Variants in NBPF3 observed in about 807,000 individuals in gnomAD.
NBPF3 encodes NBPF member 3.
Under a neutral mutation model 78.1 loss-of-function variants are expected in NBPF3, and 57 were observed. The observed-to-expected ratio is 0.73, with a 90% confidence interval of 0.59 to 0.91. The LOEUF is 0.91. NBPF3 is among the 40% of genes least tolerant of loss of function. The pLI is 0.00. For synonymous variants in NBPF3, 182 were observed against 271.7 expected (o/e 0.67, Z 3.25); for missense variants, 510 against 715.3 (o/e 0.71, Z 3.27).
In NBPF3 at chr1:21,481,603, C is replaced by T. The variant is rs1375307477; in HGVS notation, c.1440C>T (p.Ser480=). ...ACTTTTTCTACTTTTCCAGGCTCAGCAGAGAGCTGCCGGAGGTAGTAGAGC... is the reference window on the plus strand; with the variant it reads ...ACTTTTTCTACTTTTCCAGGCTCAGTAGAGAGCTGCCGGAGGTAGTAGAGC... ...EDQGPPCPRL[S]RELPEVVEPE... The change falls in exon 13 of 15, where the codon AGC becomes AGT. Residue 480 remains serine (S), a synonymous_variant. Transcript: ENST00000318249. The T allele has an allele frequency of 1.2e-6, 2 of 1,611,810 alleles. No individual in the cohort carries two copies. Among genetic ancestry groups the T allele is most frequent in the African/African-American group, 2.7e-5 (2 of 74,414 alleles).
intron 8 of NBPF3, among the ~76,000 whole-genome samples, chr1:21,475,936 C>T (rs1642866727): frequency 6.9e-6 from 1 of 144,002 alleles, no homozygotes; most frequent in African/African-American, 2.6e-5. Context: ...TCAGGACTTG[C>T]TTTATGAATC....
At chr1:21,440,910 T>G (rs1640606032) in intron 1 of NBPF3, 1 of 152,244 alleles carries the variant, frequency 6.6e-6, no homozygotes, top group African/African-American at 2.4e-5. Flanking sequence ...AACCGCAGGA[T>G]TTCGGCTAGG....
chr1:21,449,323 A>T (rs1044618300), intron 2 of NBPF3, among the ~76,000 whole-genome samples: 1 of 152,058 alleles, frequency 6.6e-6, no homozygotes, highest in African/African-American at 2.4e-5. Flanking sequence ...AAATTGGTTC[A>T]TCTGTGCTGG....
chr1:21,464,922 G>A (rs375336550), intron 2 of NBPF3, among the ~76,000 whole-genome samples: 1 of 150,328 alleles, frequency 6.7e-6, no homozygotes. Flanking sequence ...CAGGAGGATC[G>A]CTTGAGCCCA....
chr1:21,443,640 G>A (rs1337983636), intron 1 of NBPF3, among the ~76,000 whole-genome samples: 1 of 151,224 alleles, frequency 6.6e-6, no homozygotes. Flanking sequence ...TTGAGACAGT[G>A]TCTCGCTCTG....
chr1:21,455,749 A>G (rs1030697510), intron 2 of NBPF3, among the ~76,000 whole-genome samples: 21 of 152,230 alleles, frequency 1.4e-4, no homozygotes, highest in Non-Finnish European at 2.1e-4. Context: ...CTCAAAGTCT[A>G]TGTGGGGTTC....
chr1:21,440,647 C>T (rs1183053522), intron 1 of NBPF3: 2 of 152,200 alleles, frequency 1.3e-5, no homozygotes, highest in African/African-American at 4.8e-5. Flanking sequence ...CCTCCTATAT[C>T]CTGTAGAGGA....
At chr1:21,440,547 A>G (rs965014124) in intron 1 of NBPF3, among the ~76,000 whole-genome samples, 199 bp downstream of exon 1, 5 of 152,080 alleles carry the variant, frequency 3.3e-5, no homozygotes, top group Admixed American at 6.5e-5. Context: ...CCCTCAGCCC[A>G]GCTCTCGTGG....
chr1:21,467,813 G>A (rs995946332), intron 2 of NBPF3, among the ~76,000 whole-genome samples: 7 of 152,152 alleles, frequency 4.6e-5, no homozygotes, highest in Non-Finnish European at 8.8e-5. Flanking sequence ...AAAATGTAGC[G>A]CTCAGTGACA....
chr1:21,457,976 C>T lies in NBPF3; in HGVS notation c.134-10712C>T, dbSNP rs370573814. Among the ~76,000 whole-genome samples the T allele has an allele frequency of 1.5e-4, 23 of 152,326 alleles. No homozygotes were observed. The East Asian group carries it at 3.3e-3, about 22-fold the overall frequency. On this transcript the variant is annotated intron_variant, in intron 2 of 14. Transcript: ENST00000318249. The stretch of plus-strand genomic sequence containing the variant: ...AAGTTTTCCTGAGCTTATATACCTT[C>T]TAAGCTATATGTGTATGTGGAAGTG...
rs1341622385 is a variant in NBPF3 at position 21,476,420 on chromosome 1, G to A, written c.992+1469G>A. The stretch of plus-strand genomic sequence containing the variant: ...TTGCAGTGGCTGGCTGGTACTGGTT[G>A]TTCCTTTCCATGTTTAGTGCTTCCT... On this transcript the variant is annotated intron_variant, in intron 8 of 14. Coordinates refer to ENST00000318249, the MANE Select transcript of NBPF3 (RefSeq NM_032264.6). This position sits in a 1 kb window ranked among gnomAD's most constrained non-coding sequence, Gnocchi z 4.1. Among the ~76,000 whole-genome samples the A allele has an allele frequency of 6.6e-6, 1 of 152,176 alleles. No homozygotes were observed. Among genetic ancestry groups the A allele is most frequent in the Non-Finnish European group, 1.5e-5 (1 of 68,042 alleles).
At chr1:21,475,030 T>C (rs1200363118) in intron 8 of NBPF3, 79 bp downstream of exon 8, 1 of 1,275,610 alleles carries the variant, frequency 7.8e-7, no homozygotes, top group African/African-American at 1.5e-5. Flanking sequence ...GAGGAAGCAA[T>C]GAATAGAACT....
intron 8 of NBPF3, 143 bp from the exon 9 acceptor site, chr1:21,478,001 T>C (rs941746999): frequency 2.6e-5 from 40 of 1,568,536 alleles, no homozygotes; most frequent in Non-Finnish European, 3.1e-5. Flanking sequence ...TTTAGAAGGA[T>C]AGTTTTATTT....
At chr1:21,436,884 G>A, upstream of NBPF3, 1 of 515,420 alleles carries the variant, frequency 1.9e-6, no homozygotes, top group Non-Finnish European at 3.0e-6. The surrounding 1 kb of genome is among the most constrained non-coding windows in gnomAD (Gnocchi z 4.3). Flanking sequence ...GGGTGGGGGC[G>A]GGGACGGGTC....
chr1:21,447,337 A>T (rs1292903610), intron 2 of NBPF3, among the ~76,000 whole-genome samples: 2 of 152,194 alleles, frequency 1.3e-5, no homozygotes, highest in African/African-American at 4.8e-5. Flanking sequence ...TGGCAATTAC[A>T]TAATGTCCTA....
intron 2 of NBPF3, among the ~76,000 whole-genome samples, chr1:21,454,580 T>C (rs902360420): frequency 3.9e-5 from 6 of 152,192 alleles, no homozygotes; most frequent in African/African-American, 1.4e-4. Context: ...CTCTCAAGAA[T>C]GCAATATCTT....
At chr1:21,457,447 AAC>A (rs1333592769) in intron 2 of NBPF3, among the ~76,000 whole-genome samples, 1 of 151,494 alleles carries the variant, frequency 6.6e-6, no homozygotes, top group African/African-American at 2.4e-5. Flanking sequence ...TCTAATAAGA[AAC>A]AACACAATGA....
intron 2 of NBPF3, among the ~76,000 whole-genome samples, chr1:21,463,519 T>C (rs1642072024): frequency 6.6e-6 from 1 of 152,216 alleles, no homozygotes; most frequent in African/African-American, 2.4e-5. Context: ...CAAAAGACGA[T>C]GTCTTGAAGG....
intron 2 of NBPF3, among the ~76,000 whole-genome samples, chr1:21,463,836 A>G (rs1439099235): frequency 6.6e-6 from 1 of 152,246 alleles, no homozygotes; most frequent in African/African-American, 2.4e-5. Context: ...CAAATGGCCA[A>G]GAAGCACATG....
Sources: gnomAD v4.1 joint callset for allele counts (sites outside exome capture counted in the v4.1 genomes callset) on GRCh38, gnomAD v4.1.1 for gene constraint, Gnocchi (gnomAD v3.1) non-coding constraint, MANE v1.5 for transcripts, NCBI Gene and HGNC (gene_info 2026-07-23, HGNC 2026-07-21) for gene names.